SMPDL3B: variants seen among roughly 807,000 people sequenced by gnomAD.
SMPDL3B encodes acid sphingomyelinase-like phosphodiesterase 3b.
In SMPDL3B, 31 loss-of-function variants were observed where a neutral mutation model predicts 37.9. The ratio of observed to expected loss-of-function variants is 0.82; its 90% CI spans 0.61 to 1.10. The LOEUF (loss-of-function observed/expected upper bound fraction) is 1.10. Among genes scored for constraint, SMPDL3B ranks in the 50% least tolerant of loss-of-function variants. SMPDL3B has a pLI of 0.00. For synonymous variants in SMPDL3B, 235 were observed against 242.6 expected (o/e 0.97, Z 0.29); for missense variants, 525 against 597.8 (o/e 0.88, Z 1.27).
chr1:27,952,406 G>T (rs2090462228), intron 3 of SMPDL3B, among the ~76,000 whole-genome samples: 1 of 152,170 alleles, frequency 6.6e-6, no homozygotes. Flanking sequence ...GATAGACTAA[G>T]CTCATATAAG....
At chr1:27,953,381 T>C (rs1480478429) in intron 4 of SMPDL3B, 23 bp downstream of exon 4, 5 of 1,588,102 alleles carry the variant, frequency 3.1e-6, no homozygotes, top group Non-Finnish European at 4.3e-6. Flanking sequence ...CCTGCTCCTA[T>C]CAAGAGCACT....
chr1:27,958,650 G>T lies in SMPDL3B; in HGVS notation c.1180G>T (p.Val394Phe), dbSNP rs1303667915. The T allele has an allele frequency of 6.2e-7, 1 of 1,613,996 alleles. No homozygotes were observed. The highest frequency in any genetic ancestry group is 8.5e-7 in the Non-Finnish European group (1 of 1,180,010). The stretch of plus-strand genomic sequence containing the variant: ...CCAGAGCACACTGCAGCGCTACTAC[G>T]TCTATAACTCAGTCAGCTACTCTGC... ...GDQSTLQRYY[V>F]YNSVSYSAGV... The change falls in exon 8 of 8, where the codon GTC becomes TTC. Residue 394 changes from valine to phenylalanine, a missense_variant. Transcript: ENST00000373894. This position sits in a 1 kb window ranked among gnomAD's most constrained non-coding sequence, Gnocchi z 5.6.
At position 27,945,524 on chromosome 1, in the gene SMPDL3B, A is replaced by T. The variant is rs1327539409; in HGVS notation, c.275+79A>T. ...CATACCAGTCTGGCCCTTTGCCCACATTATCTCCCTTAATCCTCACATCAG... is the reference window on the plus strand; with the variant it reads ...CATACCAGTCTGGCCCTTTGCCCACTTTATCTCCCTTAATCCTCACATCAG... On this transcript the variant is annotated intron_variant, in intron 2 of 7. Coordinates refer to ENST00000373894, the MANE Select transcript of SMPDL3B (RefSeq NM_014474.4). The surrounding 1 kb of genome is among the most constrained non-coding windows in gnomAD (Gnocchi z 4.0). 1 of 1,131,050 alleles carries T rather than the reference A, an allele frequency of 8.8e-7. No homozygotes were observed. The highest frequency in any genetic ancestry group is 1.5e-5 in the African/African-American group (1 of 65,246). The allele number at this position is 1,131,050 out of a possible 1,614,324, so 70.1% of individuals were successfully genotyped here. A position where few individuals can be genotyped will look rare whatever the true frequency, so the allele number is the denominator to read the frequency against.
intron 5 of SMPDL3B, among the ~76,000 whole-genome samples, chr1:27,955,236 A>G (rs928552307): frequency 6.6e-5 from 10 of 152,172 alleles, no homozygotes; most frequent in Non-Finnish European, 1.5e-5. Context: ...CCCCTGTTCT[A>G]ACTCCTGCCA....
chr1:27,936,832 T>C (rs1571644092), intron 1 of SMPDL3B, among the ~76,000 whole-genome samples: 1 of 152,038 alleles, frequency 6.6e-6, no homozygotes, highest in Non-Finnish European at 1.5e-5. Context: ...TCCTGGCTAA[T>C]ACGGTGAAAC....
intron 5 of SMPDL3B, among the ~76,000 whole-genome samples, chr1:27,954,756 A>G (rs1454014120): frequency 4.6e-5 from 7 of 152,174 alleles, no homozygotes; most frequent in Admixed American, 1.3e-4. Flanking sequence ...TGACGGTCCC[A>G]AGTCACATAA....
rs779670190 is a variant in SMPDL3B at position 27,953,327 on chromosome 1, T to G, written c.486T>G (p.Leu162=). ...NQIAELWKPW[L]SNESIALFKK... ...TAGCAGAACTATGGAAACCCTGGCTTAGTAATGAGTCCATCGCTCTCTTCA... is the reference window on the plus strand; with the variant it reads ...TAGCAGAACTATGGAAACCCTGGCTGAGTAATGAGTCCATCGCTCTCTTCA... The change falls in exon 4 of 8, where the codon CTT becomes CTG. Residue 162 remains leucine, a synonymous_variant. Transcript: ENST00000373894. 6.2e-7 allele frequency: 1 copy of G among 1,613,980 alleles called. No individual in the cohort carries two copies. Among genetic ancestry groups the G allele is most frequent in the Non-Finnish European group, 8.5e-7 (1 of 1,179,930 alleles).
intron 1 of SMPDL3B, among the ~76,000 whole-genome samples, chr1:27,940,319 G>A (rs1021523795): frequency 6.6e-5 from 10 of 152,194 alleles, no homozygotes; most frequent in Non-Finnish European, 1.2e-4. Flanking sequence ...AGTAGCCAAG[G>A]ACACGCTGGG....
intron 1 of SMPDL3B, among the ~76,000 whole-genome samples, chr1:27,943,996 G>A (rs574800988): frequency 1.5e-5 from 2 of 132,948 alleles, no homozygotes; most frequent in Non-Finnish European, 3.1e-5. Flanking sequence ...CTTGGGCACA[G>A]AGCGAAACTC....
intron 1 of SMPDL3B, among the ~76,000 whole-genome samples, chr1:27,937,623 G>A (rs984667955): frequency 1.3e-5 from 2 of 152,192 alleles, no homozygotes; most frequent in Non-Finnish European, 2.9e-5. Flanking sequence ...CTGAATCACA[G>A]GAGTCAGACT....
intron 3 of SMPDL3B, among the ~76,000 whole-genome samples, chr1:27,949,745 C>T (rs1242253385): frequency 6.6e-6 from 1 of 152,068 alleles, no homozygotes; most frequent in Non-Finnish European, 1.5e-5. Context: ...CAGTCTGCAC[C>T]GAAAACAACA....
chr1:27,953,923 T>A (rs886383043), intron 4 of SMPDL3B, among the ~76,000 whole-genome samples: 4 of 152,202 alleles, frequency 2.6e-5, no homozygotes, highest in Non-Finnish European at 5.9e-5. Flanking sequence ...ACTCTTCCCT[T>A]TCCTCGGTCT....
At chr1:27,936,003 A>C (rs2090304750) in intron 1 of SMPDL3B, among the ~76,000 whole-genome samples, 1 of 152,206 alleles carries the variant, frequency 6.6e-6, no homozygotes, top group South Asian at 2.1e-4. Context: ...GTGCCAAATC[A>C]TGGATAGCCT....
At chr1:27,953,621 C>T (rs1369534531) in intron 4 of SMPDL3B, among the ~76,000 whole-genome samples, 1 of 152,224 alleles carries the variant, frequency 6.6e-6, no homozygotes, top group African/African-American at 2.4e-5. Flanking sequence ...GCACTGCCCT[C>T]TCAGCCTGGT....
At chr1:27,950,492 C>T (rs2090447035) in intron 3 of SMPDL3B, among the ~76,000 whole-genome samples, 1 of 152,170 alleles carries the variant, frequency 6.6e-6, no homozygotes. Flanking sequence ...GTCTTGCTGT[C>T]ACCCAGGCTG....
chr1:27,958,924 C>T lies in SMPDL3B; in HGVS notation c.*86C>T. ...GAGCTGGGCCTTCCACCATTTCCTC[C>T]GCGCCTGAGGAGTGAACTGAAATAG... On this transcript the variant is annotated 3_prime_UTR_variant, in exon 8 of 8. Transcript: ENST00000373894. The surrounding 1 kb of genome is among the most constrained non-coding windows in gnomAD (Gnocchi z 5.6). The T allele has an allele frequency of 2.1e-6, 3 of 1,402,268 alleles. No homozygotes were observed. The highest frequency in any genetic ancestry group is 1.4e-5 in the African/African-American group (1 of 69,680). The allele number at this position is 1,402,268 out of a possible 1,614,324, so 86.9% of individuals were successfully genotyped here.
chr1:27,935,206 T>C lies in SMPDL3B; in HGVS notation c.23T>C (p.Ile8Thr), dbSNP rs377145251. The change falls in exon 1 of 8, where the codon ATT becomes ACT. Residue 8 changes from isoleucine to threonine, a missense_variant. Ile to Thr is a moderately conservative substitution (Grantham distance 89). Transcript: ENST00000373894. ...AGGATGAGGCTGCTCGCCTGGCTGATTTTCCTGGCTAACTGGGGAGGTGCC... is the reference window on the plus strand; with the variant it reads ...AGGATGAGGCTGCTCGCCTGGCTGACTTTCCTGGCTAACTGGGGAGGTGCC... MRLLAWL[I>T]FLANWGGARA... is the part of the protein sequence containing the mutation. 6.2e-7 allele frequency: 1 copy of C among 1,613,700 alleles called. No homozygotes were observed. Among genetic ancestry groups the C allele is most frequent in the African/African-American group, 1.3e-5 (1 of 74,908 alleles).
chr1:27,935,846 G>C (rs1160263993), intron 1 of SMPDL3B, among the ~76,000 whole-genome samples: 1 of 152,158 alleles, frequency 6.6e-6, no homozygotes, highest in Non-Finnish European at 1.5e-5. Context: ...TGGGTGTCCA[G>C]AACATTACAG....
At chr1:27,951,412 A>C (rs1264161464) in intron 3 of SMPDL3B, among the ~76,000 whole-genome samples, 1 of 152,188 alleles carries the variant, frequency 6.6e-6, no homozygotes, top group Non-Finnish European at 1.5e-5. Context: ...GAAGGGACTG[A>C]AACTCGAGAT....
Sources: allele counts gnomAD v4.1 joint callset (sites outside exome capture counted in the v4.1 genomes callset), GRCh38; gene constraint gnomAD v4.1.1; non-coding constraint Gnocchi (gnomAD v3.1); transcripts MANE v1.5; gene names NCBI Gene and HGNC (gene_info 2026-07-23, HGNC 2026-07-21).